ARHGEF3: variants seen among roughly 807,000 people sequenced by gnomAD.
ARHGEF3 encodes Rho guanine nucleotide exchange factor 3.
In ARHGEF3, 28 loss-of-function variants were observed where a neutral mutation model predicts 63.2. The observed-to-expected ratio is 0.44, with a 90% CI of 0.33 to 0.61. The LOEUF (loss-of-function observed/expected upper bound fraction) is 0.61, where lower values mean the gene tolerates loss of function less well. ARHGEF3 is among the 20% of genes least tolerant of loss of function. ARHGEF3 has a pLI of 0.03. For missense variants in ARHGEF3, 533 were observed against 659.3 expected, an observed-to-expected ratio of 0.81 and a Z score of 2.10; for synonymous variants, 266 against 254.2, an observed-to-expected ratio of 1.05 and a Z score of -0.44.
At chr3:56,742,128 G>A (rs190489967) in intron 7 of ARHGEF3, among the ~76,000 whole-genome samples, 87 of 151,844 alleles carry the variant, frequency 5.7e-4, no homozygotes, top group African/African-American at 1.8e-3. Context: ...CAGTCTTCAC[G>A]GCTGTTGCAT....
intron 2 of ARHGEF3, among the ~76,000 whole-genome samples, chr3:57,019,958 G>A (rs1323972025): frequency 1.3e-5 from 2 of 152,256 alleles, no homozygotes; most frequent in East Asian, 3.9e-4. Flanking sequence ...GAGTACAATG[G>A]TGCAATCTCG....
intron 2 of ARHGEF3, among the ~76,000 whole-genome samples, chr3:57,018,934 G>A (rs1703132385): frequency 6.6e-6 from 1 of 152,020 alleles, no homozygotes. Flanking sequence ...TCCAGCATCT[G>A]TATTCTTTCC....
rs75819282 is a variant in ARHGEF3, at chr3:56,765,764, G to C, written c.204+7945C>G. ...CTCAGGCCATTGCTAAACTCTCTCT[G>C]TAGTATATTTTATCATAGAAGATTT... On this transcript the variant is annotated intron_variant, in intron 2 of 9. Coordinates refer to ENST00000296315, the MANE Select transcript of ARHGEF3 (RefSeq NM_019555.3). 5.9e-4 allele frequency among the ~76,000 whole-genome samples: 90 copies of C among 151,922 alleles called. 1 individual carries two copies. In the East Asian group the frequency reaches 0.016, roughly 27 times the overall value.
At chr3:56,968,136 TATATATAATATATATAAAAATATATA>T (rs1700692750) in intron 2 of ARHGEF3, among the ~76,000 whole-genome samples, 1 of 45,014 alleles carries the variant, frequency 2.2e-5, no homozygotes, top group African/African-American at 8.3e-5. Context: ...CATATATTTT[TATATATAATATATATAAAAATATATA>T]TTATATAATA....
At chr3:56,784,839 G>A (rs867596209) in intron 1 of ARHGEF3, among the ~76,000 whole-genome samples, 9 of 152,124 alleles carry the variant, frequency 5.9e-5, no homozygotes, top group African/African-American at 1.7e-4. Flanking sequence ...AATACCCTAC[G>A]ACCTTGGGCC....
Position 56,801,740 on chromosome 3 carries a change from T to C in ARHGEF3, c.59A>G (p.Glu20Gly). 6.4e-7 allele frequency: 1 copy of C among 1,568,932 alleles called. No homozygotes were observed. The highest frequency in any genetic ancestry group is 8.7e-7 in the Non-Finnish European group (1 of 1,155,612). ...GGCCGGACCGCTGGCCGGGGGTAGC[T>C]CCAGGCTGCAGTTCGCTCTCTTGAC... ...LTVKRANCSLELPPASGPAKD... is the reference protein window; with the variant it reads ...LTVKRANCSLGLPPASGPAKD... Residue 20 changes from glutamate to glycine, a missense_variant, in exon 1 of 10, where the codon GAG becomes GGG. Glu to Gly is a moderately conservative substitution (Grantham distance 98). Around this residue, in one of 4 missense-constraint regions of ARHGEF3, gnomAD observed 160 missense variants for 157.3 expected, o/e 1.02. Transcript: ENST00000296315.
chr3:56,740,222 C>A (rs995584080), intron 7 of ARHGEF3, among the ~76,000 whole-genome samples: 4 of 151,280 alleles, frequency 2.6e-5, no homozygotes, highest in Non-Finnish European at 4.4e-5. Context: ...TTTCTTTATT[C>A]TTTTCTCTAT....
intron 2 of ARHGEF3, among the ~76,000 whole-genome samples, chr3:56,760,422 A>T (rs1224871062): frequency 1.3e-5 from 2 of 152,138 alleles, no homozygotes; most frequent in Non-Finnish European, 2.9e-5. Context: ...GCGGCATGGG[A>T]AAAAAGAGAG....
At chr3:56,869,464 T>G (rs567492646) in intron 4 of ARHGEF3, among the ~76,000 whole-genome samples, 2 of 152,356 alleles carry the variant, frequency 1.3e-5, no homozygotes, top group South Asian at 4.1e-4. Flanking sequence ...AGAATTCTCC[T>G]GGTCACTTCA....
chr3:57,065,414 T>C (rs1705472809), intron 1 of ARHGEF3, among the ~76,000 whole-genome samples: 1 of 151,848 alleles, frequency 6.6e-6, no homozygotes, highest in South Asian at 2.1e-4. Flanking sequence ...TAAGCTGAGA[T>C]TATGTCACTG....
At chr3:56,934,582 C>T (rs932266438) in intron 3 of ARHGEF3, among the ~76,000 whole-genome samples, 1 of 152,220 alleles carries the variant, frequency 6.6e-6, no homozygotes, top group African/African-American at 2.4e-5. Context: ...TCTGCCAGCC[C>T]AGGGCAATGA....
rs1298110097 is a variant in ARHGEF3 at position 56,737,325 on chromosome 3, T to C, written c.901A>G (p.Ile301Val). Residue 301 changes from isoleucine to valine, a missense_variant, in exon 8 of 10, where the codon ATC (isoleucine) becomes GTC (valine). Around this residue, in one of 4 missense-constraint regions of ARHGEF3, gnomAD observed 151 missense variants for 190.7 expected, o/e 0.79. Coordinates refer to ENST00000296315, the MANE Select transcript of ARHGEF3 (RefSeq NM_019555.3). Reference protein sequence around the residue: ...INIIQGIVAEINTKTGESECR... With the variant: ...INIIQGIVAEVNTKTGESECR... ...TCAGATTCACCAGTCTTGGTGTTGA[T>C]TTCTGCCACAATTCCCTGAATGATA... The C allele has an allele frequency of 1.2e-6, 2 of 1,612,990 alleles. No individual in the cohort carries two copies. Among genetic ancestry groups the C allele is most frequent in the Non-Finnish European group, 8.5e-7 (1 of 1,179,450 alleles).
chr3:56,745,490 G>A (rs761493440), intron 6 of ARHGEF3, 28 bp from the exon 7 acceptor site: 1 of 1,607,530 alleles, frequency 6.2e-7, no homozygotes, highest in African/African-American at 1.3e-5. Flanking sequence ...AGAGAAGGTT[G>A]GAATGTCAAA....
chr3:56,763,779 T>C (rs1192938325), intron 2 of ARHGEF3, among the ~76,000 whole-genome samples: 1 of 152,126 alleles, frequency 6.6e-6, no homozygotes, highest in African/African-American at 2.4e-5. Flanking sequence ...CTTACTATAT[T>C]GCCCAGGCTA....
At chr3:56,813,380 T>C (rs1419720608) in intron 4 of ARHGEF3, among the ~76,000 whole-genome samples, 1 of 152,218 alleles carries the variant, frequency 6.6e-6, no homozygotes, top group Non-Finnish European at 1.5e-5. Flanking sequence ...TTCCACATGT[T>C]AGGCAAATTT....
At position 56,791,542 on chromosome 3, in the gene ARHGEF3, A is replaced by C. The variant is rs186859097; in HGVS notation, c.96+10161T>G. Among the ~76,000 whole-genome samples, 495 of 152,328 alleles carry C rather than the reference A, an allele frequency of 3.2e-3. 2 individuals are homozygous for C. Among genetic ancestry groups the C allele is most frequent in the African/African-American group, 0.011 (469 of 41,560 alleles). On this transcript the variant is annotated intron_variant, in intron 1 of 9. Transcript: ENST00000296315. ...TCGTTTTAACAGTGATCTCACATCAAATTTAAAGTAGGGCCTTGCAGTTGG... is the reference window on the plus strand; with the variant it reads ...TCGTTTTAACAGTGATCTCACATCACATTTAAAGTAGGGCCTTGCAGTTGG...
chr3:56,979,991 T>C (rs958830040), intron 2 of ARHGEF3, among the ~76,000 whole-genome samples: 18 of 152,304 alleles, frequency 1.2e-4, no homozygotes, highest in African/African-American at 4.1e-4. Context: ...GACCACTCAC[T>C]TGCCCTGTGA....
intron 1 of ARHGEF3, among the ~76,000 whole-genome samples, chr3:57,061,740 T>C (rs995952783): frequency 2.0e-5 from 3 of 152,180 alleles, no homozygotes; most frequent in Non-Finnish European, 2.9e-5. Flanking sequence ...CAGCTAACTC[T>C]CAGTGAGCAG....
At chr3:56,785,997 A>G (rs930582904) in intron 1 of ARHGEF3, among the ~76,000 whole-genome samples, 7 of 152,150 alleles carry the variant, frequency 4.6e-5, no homozygotes, top group African/African-American at 1.7e-4. Flanking sequence ...GAAACACAAA[A>G]TATGTTCAAG....
Sources: allele counts gnomAD v4.1 joint callset (sites outside exome capture counted in the v4.1 genomes callset), GRCh38; gene constraint gnomAD v4.1.1; regional missense constraint gnomAD v4.1.1; transcripts MANE v1.5; gene names NCBI Gene and HGNC (gene_info 2026-07-23, HGNC 2026-07-21).